LHFPL3: variants seen among roughly 807,000 people sequenced by gnomAD.
The protein encoded by LHFPL3 is LHFPL tetraspan subfamily member 3.
In LHFPL3, 5 loss-of-function variants were observed where a neutral mutation model predicts 19.3. The observed-to-expected ratio is 0.26, with a 90% CI of 0.14 to 0.54. The LOEUF is 0.54. Among genes scored for constraint, LHFPL3 ranks in the 20% least tolerant of loss-of-function variants. LHFPL3 has a pLI of 0.94. For synonymous variants in LHFPL3, 133 were observed against 126.2 expected (o/e 1.05, Z -0.36); for missense variants, 249 against 307.4 (o/e 0.81, Z 1.42).
At chr7:104,442,356 T>C (rs1792244093) in intron 1 of LHFPL3, among the ~76,000 whole-genome samples, 1 of 151,946 alleles carries the variant, frequency 6.6e-6, no homozygotes, top group South Asian at 2.1e-4. Flanking sequence ...TTTCAGCCTA[T>C]ATATCTAGAT....
At chr7:104,793,456 G>A (rs182525163) in intron 2 of LHFPL3, among the ~76,000 whole-genome samples, 11 of 152,304 alleles carry the variant, frequency 7.2e-5, no homozygotes, top group African/African-American at 2.6e-4. Context: ...TGATATTTCT[G>A]ACTCTGGGTT....
intron 1 of LHFPL3, among the ~76,000 whole-genome samples, chr7:104,583,738 C>T (rs202060288): frequency 6.6e-6 from 1 of 151,902 alleles, no homozygotes; most frequent in East Asian, 1.9e-4. Flanking sequence ...CAGAGAAATG[C>T]AAATCAAAAC....
intron 1 of LHFPL3, among the ~76,000 whole-genome samples, chr7:104,656,571 C>A (rs1792125529): frequency 6.6e-6 from 1 of 152,320 alleles, no homozygotes. Flanking sequence ...GCATCTTTCC[C>A]TTTCATGCTT....
chr7:104,537,466 A>G (rs1312151796), intron 1 of LHFPL3, among the ~76,000 whole-genome samples: 4 of 151,870 alleles, frequency 2.6e-5, no homozygotes, highest in African/African-American at 9.7e-5. Flanking sequence ...TACCCCTTCT[A>G]CTCAATTATT....
At chr7:104,419,721 G>T (rs1791689746) in intron 1 of LHFPL3, among the ~76,000 whole-genome samples, 1 of 152,188 alleles carries the variant, frequency 6.6e-6, no homozygotes, top group Admixed American at 6.5e-5. Flanking sequence ...TCTGAGTAGA[G>T]ATAATCATGG....
At chr7:104,759,367 A>T (rs1261203495) in intron 2 of LHFPL3, among the ~76,000 whole-genome samples, 1 of 151,038 alleles carries the variant, frequency 6.6e-6, no homozygotes, top group Non-Finnish European at 1.5e-5. Flanking sequence ...CACAGTTTAA[A>T]TTTTTTTTTA....
chr7:104,801,052 A>G (rs1264074155), intron 2 of LHFPL3, among the ~76,000 whole-genome samples: 1 of 152,244 alleles, frequency 6.6e-6, no homozygotes, highest in Non-Finnish European at 1.5e-5. Flanking sequence ...AGGGCTGACC[A>G]ATGTATGCAG....
intron 2 of LHFPL3, among the ~76,000 whole-genome samples, chr7:104,899,722 C>T (rs954150731): frequency 6.6e-6 from 1 of 152,070 alleles, no homozygotes; most frequent in African/African-American, 2.4e-5. Flanking sequence ...ACATTAAGAT[C>T]ACCCCCTAAT....
At chr7:104,610,633 C>G (rs1262302879) in intron 1 of LHFPL3, among the ~76,000 whole-genome samples, 1 of 152,078 alleles carries the variant, frequency 6.6e-6, no homozygotes, top group Non-Finnish European at 1.5e-5. Flanking sequence ...CAATGACAGT[C>G]AAGCAGAGAG....
chr7:104,499,509 A>G (rs1302433660), intron 1 of LHFPL3, among the ~76,000 whole-genome samples: 1 of 152,208 alleles, frequency 6.6e-6, no homozygotes, highest in Non-Finnish European at 1.5e-5. Flanking sequence ...GCCATGTTGG[A>G]AAGGTCTGTC....
intron 2 of LHFPL3, among the ~76,000 whole-genome samples, chr7:104,777,599 C>T (rs1216031859): frequency 6.6e-6 from 1 of 152,210 alleles, no homozygotes; most frequent in Non-Finnish European, 1.5e-5. Context: ...TGATGCAAAT[C>T]CCCAAAGGCA....
chr7:104,605,578 A>T (rs551312440), intron 1 of LHFPL3, among the ~76,000 whole-genome samples: 1 of 152,284 alleles, frequency 6.6e-6, no homozygotes, highest in African/African-American at 2.4e-5. Context: ...ACACATACAC[A>T]CTCAGACACA....
chr7:104,389,717 A>G (rs1467182420), intron 1 of LHFPL3, among the ~76,000 whole-genome samples: 1 of 152,186 alleles, frequency 6.6e-6, no homozygotes. Flanking sequence ...ACACATCTAT[A>G]GTTAATTGAT....
At chr7:104,560,583 T>C (rs1174895490) in intron 1 of LHFPL3, among the ~76,000 whole-genome samples, 17 of 151,972 alleles carry the variant, frequency 1.1e-4, no homozygotes, top group African/African-American at 3.6e-4. Flanking sequence ...TTTTCTTTAT[T>C]AGTCTTGCTA....
intron 2 of LHFPL3, among the ~76,000 whole-genome samples, chr7:104,741,903 T>A (rs1228600512): frequency 6.6e-6 from 1 of 152,150 alleles, no homozygotes; most frequent in East Asian, 1.9e-4. Context: ...TGCTCTGAAT[T>A]TGGGGAGCAG....
At chr7:104,528,501 A>T (rs775176283) in intron 1 of LHFPL3, among the ~76,000 whole-genome samples, 1 of 152,220 alleles carries the variant, frequency 6.6e-6, no homozygotes, top group Non-Finnish European at 1.5e-5. Context: ...GGACTATGTG[A>T]TGCATACAGA....
chr7:104,618,315 A>G (rs1156597892), intron 1 of LHFPL3, among the ~76,000 whole-genome samples: 3 of 152,172 alleles, frequency 2.0e-5, no homozygotes, highest in Non-Finnish European at 4.4e-5. Flanking sequence ...CACCTTACAC[A>G]CTGCTTACTA....
intron 1 of LHFPL3, among the ~76,000 whole-genome samples, chr7:104,605,290 G>T (rs1182934925): frequency 6.6e-6 from 1 of 151,856 alleles, no homozygotes; most frequent in African/African-American, 2.4e-5. Flanking sequence ...ACTTTCCAAA[G>T]AATTACCTTC....
intron 1 of LHFPL3, among the ~76,000 whole-genome samples, chr7:104,507,812 A>G (rs1447154573): frequency 1.6e-5 from 2 of 124,688 alleles, no homozygotes; most frequent in African/African-American, 6.0e-5. Flanking sequence ...ATGAACAGAC[A>G]CTTCTCAAAA....
Sources: allele counts gnomAD v4.1 joint callset (sites outside exome capture counted in the v4.1 genomes callset), GRCh38; gene constraint gnomAD v4.1.1; transcripts MANE v1.5; gene names NCBI Gene and HGNC (gene_info 2026-07-23, HGNC 2026-07-21).